TADA2A: variants seen among roughly 807,000 people sequenced by gnomAD.
The protein encoded by TADA2A is transcriptional adaptor 2A, also known as transcriptional adapter 2-alpha.
A neutral mutation model predicts 67.4 loss-of-function variants in TADA2A; 38 were observed. The ratio of observed to expected loss-of-function variants is 0.56; its 90% CI spans 0.44 to 0.74. The LOEUF is 0.74. Ranked by LOEUF, TADA2A falls within the 30% of genes least tolerant of loss-of-function variation. The pLI, the probability that TADA2A is intolerant of heterozygous loss-of-function variation, is 0.00. For synonymous variants in TADA2A, 192 were observed against 181.6 expected (o/e 1.06, Z -0.46); for missense variants, 454 against 547.0 (o/e 0.83, Z 1.70).
At chr17:37,443,223 T>TC (rs1202854701) in intron 7 of TADA2A, among the ~76,000 whole-genome samples, 1 of 151,174 alleles carries the variant, frequency 6.6e-6, no homozygotes, top group Non-Finnish European at 1.5e-5. Flanking sequence ...GGCTTCCACT[T>TC]CCTTAGGTAT....
intron 8 of TADA2A, among the ~76,000 whole-genome samples, chr17:37,448,923 C>G (rs1248554099): frequency 6.6e-6 from 1 of 152,136 alleles, no homozygotes; most frequent in Admixed American, 6.5e-5. Context: ...TATTATTAGC[C>G]TTTAAATCCT....
In TADA2A at chr17:37,474,562, G is replaced by T. The variant is rs369901141; in HGVS notation, c.1079G>T (p.Arg360Leu). ...SIPMASNSGR[R>L]SAPPLNLTGL... ...TTCCTTTCTCTGTCTATAGGTAGAC[G>T]GAGTGCACCACCCTTGAACCTCACT... Residue 360 changes from arginine (R) to leucine (L), a missense_variant, in exon 15 of 16, where the codon CGG (arginine) becomes CTG (leucine). By Grantham distance (102) the Arg-to-Leu change is moderately radical. This residue lies in a region of TADA2A where 403 missense variants were observed against 455.5 expected (regional missense o/e 0.88). Transcript: ENST00000615182. 1.2e-6 allele frequency: 2 copies of T among 1,613,392 alleles called. No homozygotes were observed. The highest frequency in any genetic ancestry group is 1.7e-6 in the Non-Finnish European group (2 of 1,179,712).
At chr17:37,443,309 A>C (rs2052977646) in intron 7 of TADA2A, among the ~76,000 whole-genome samples, 1 of 150,806 alleles carries the variant, frequency 6.6e-6, no homozygotes, top group Non-Finnish European at 1.5e-5. Context: ...GCTGGAGTGC[A>C]ATGGCATGGT....
In TADA2A at chr17:37,479,154, G is replaced by C. The variant is rs966993823; in HGVS notation, c.*2172G>C. 6.6e-6 allele frequency: 1 copy of C among 152,286 alleles called. No individual in the cohort carries two copies. The highest frequency in any genetic ancestry group is 1.5e-5 in the Non-Finnish European group (1 of 68,090). 9.4% of individuals were successfully genotyped at this position (152,286 alleles called of 1,614,324 possible). On this transcript the variant is annotated 3_prime_UTR_variant, in exon 16 of 16. Transcript: ENST00000615182. ...TGGGGCAATTATATGATAGAGAAGA[G>C]AGAGAAAAATGGCAGATGGAAGTGG...
intron 1 of TADA2A, among the ~76,000 whole-genome samples, chr17:37,409,452 A>C (rs1345852073): frequency 6.6e-6 from 1 of 152,202 alleles, no homozygotes; most frequent in Non-Finnish European, 1.5e-5. Context: ...ACAAAGTAGA[A>C]TGTGAAAAAT....
chr17:37,473,346 C>T (rs948566025), intron 14 of TADA2A, among the ~76,000 whole-genome samples: 1 of 151,928 alleles, frequency 6.6e-6, no homozygotes, highest in Non-Finnish European at 1.5e-5. Context: ...AGATCTCTTG[C>T]TCTCCTTTAT....
chr17:37,468,456 A>T (rs1405859224), intron 12 of TADA2A, among the ~76,000 whole-genome samples: 1 of 152,194 alleles, frequency 6.6e-6, no homozygotes, highest in Non-Finnish European at 1.5e-5. Context: ...TCTAGACTTA[A>T]AAAGCTTGAG....
rs2053513157 is a variant in TADA2A, at chr17:37,460,158, A to G, written c.668+1571A>G. Reference sequence around the variant, plus strand: ...TGAACTCCTAGACTCAAGGCATCCTACTGCCTTGGCCTCCCAGAGTGCTGG... The same window carrying G: ...TGAACTCCTAGACTCAAGGCATCCTGCTGCCTTGGCCTCCCAGAGTGCTGG... On this transcript the variant is annotated intron_variant, in intron 9 of 15. Coordinates refer to ENST00000615182, the MANE Select transcript of TADA2A (RefSeq NM_001166105.3). Among the ~76,000 whole-genome samples the G allele has an allele frequency of 2.0e-5, 3 of 150,210 alleles. No individual in the cohort carries two copies. In the South Asian group the frequency reaches 6.4e-4, roughly 32 times the overall value.
Position 37,411,357 on chromosome 17 carries a change from A to C in TADA2A, c.-9A>C. 2 of 1,613,920 alleles carry C rather than the reference A, an allele frequency of 1.2e-6. No homozygotes were observed. Among genetic ancestry groups the C allele is most frequent in the African/African-American group, 2.7e-5 (2 of 75,018 alleles). On this transcript the variant is annotated 5_prime_UTR_variant, in exon 2 of 16. Coordinates refer to ENST00000615182, the MANE Select transcript of TADA2A (RefSeq NM_001166105.3). ...GAAGACCAAAGCAGCACTCGTTGCC[A>C]ATTAGGGAATGGACCGTTTGGGTTC...
intron 4 of TADA2A, among the ~76,000 whole-genome samples, chr17:37,431,686 C>G (rs112646846): frequency 1.5e-4 from 22 of 151,494 alleles, no homozygotes; most frequent in African/African-American, 4.8e-4. Context: ...GCGATTCTCC[C>G]GCCTCAGCCT....
chr17:37,464,663 AACCTCG>A (rs905252440), intron 10 of TADA2A, among the ~76,000 whole-genome samples: 5 of 150,990 alleles, frequency 3.3e-5, no homozygotes, highest in Admixed American at 1.3e-4. Context: ...AACATGGTGA[AACCTCG>A]TCTCTACTAA....
In TADA2A at chr17:37,454,594, A is replaced by T. The variant is rs557982274; in HGVS notation, c.605-3930A>T. 4 of 179,028 alleles carry T rather than the reference A, an allele frequency of 2.2e-5. No homozygotes were observed. In the East Asian group the frequency reaches 6.4e-4, roughly 29 times the overall value. The allele number at this position is 179,028 out of a possible 1,614,324, so 11.1% of individuals were successfully genotyped here. ...AGGCGTGAGCCACTGTGCCTGGCCA[A>T]GGGCATTCCTTTCTAAGGAATCCTT... On this transcript the variant is annotated intron_variant, in intron 8 of 15. Coordinates refer to ENST00000615182, the MANE Select transcript of TADA2A (RefSeq NM_001166105.3).
chr17:37,438,432 A>T (rs1032045474), intron 5 of TADA2A, among the ~76,000 whole-genome samples: 21 of 152,248 alleles, frequency 1.4e-4, no homozygotes, highest in Admixed American at 1.3e-3. Context: ...TAGCAGAGGC[A>T]TTATTGAATA....
chr17:37,418,683 C>G (rs1404599218), intron 2 of TADA2A, among the ~76,000 whole-genome samples: 1 of 142,448 alleles, frequency 7.0e-6, no homozygotes, highest in Non-Finnish European at 1.5e-5. Flanking sequence ...CCTCCCCCTC[C>G]TGCGTTCAAG....
At chr17:37,431,687 G>A (rs1054093353) in intron 4 of TADA2A, among the ~76,000 whole-genome samples, 10 of 151,084 alleles carry the variant, frequency 6.6e-5, no homozygotes, top group African/African-American at 2.4e-4. Flanking sequence ...CGATTCTCCC[G>A]CCTCAGCCTC....
chr17:37,437,969 C>T, intron 5 of TADA2A, 140 bp downstream of exon 5: 1 of 715,710 alleles, frequency 1.4e-6, no homozygotes, highest in Non-Finnish European at 2.4e-6. Context: ...GCAAGTTAGT[C>T]CCCTCTGTAC....
In TADA2A at chr17:37,476,786, G is replaced by A. The variant is rs1196115333; in HGVS notation, c.1147-11G>A. The stretch of plus-strand genomic sequence containing the variant: ...GATGTTAATGTTTATTAAATTTGCC[G>A]TGTCTTGCAGCTCTGTCAGATGGTG... On this transcript the variant is annotated splice_polypyrimidine_tract_variant and intron_variant, in intron 15 of 15. Transcript: ENST00000615182. The A allele has an allele frequency of 6.9e-6, 11 of 1,586,894 alleles. No homozygotes were observed. The highest frequency in any genetic ancestry group is 4.1e-5 in the African/African-American group (3 of 74,004).
chr17:37,452,414 T>A (rs1239185541), intron 8 of TADA2A, among the ~76,000 whole-genome samples: 1 of 152,066 alleles, frequency 6.6e-6, no homozygotes, highest in Non-Finnish European at 1.5e-5. Flanking sequence ...AAAAAAAAGA[T>A]CCTGAAATAT....
intron 8 of TADA2A, among the ~76,000 whole-genome samples, chr17:37,457,581 T>C (rs2053431266): frequency 7.6e-6 from 1 of 130,846 alleles, no homozygotes; most frequent in South Asian, 2.6e-4. Flanking sequence ...CACTGCAACC[T>C]CACCTCCTGG....
Sources: allele counts gnomAD v4.1 joint callset (sites outside exome capture counted in the v4.1 genomes callset), GRCh38; gene constraint gnomAD v4.1.1; regional missense constraint gnomAD v4.1.1; transcripts MANE v1.5; gene names NCBI Gene and HGNC (gene_info 2026-07-23, HGNC 2026-07-21).